TNPO3: variants seen among roughly 807,000 people sequenced by gnomAD.
TNPO3 encodes transportin 3.
Under a neutral mutation model 122.8 loss-of-function variants are expected in TNPO3, and 65 were observed. The observed-to-expected ratio is 0.53, with a 90% CI of 0.43 to 0.65. The LOEUF is 0.65. Ranked by LOEUF, TNPO3 falls within the 30% of genes least tolerant of loss-of-function variation. The pLI is 0.00. For synonymous variants in TNPO3, 372 were observed against 411.2 expected (o/e 0.90, Z 1.15); for missense variants, 850 against 1,136.7 (o/e 0.75, Z 3.63).
At position 128,990,113 on chromosome 7, in the gene TNPO3, GGTAA is replaced by G. The variant is rs771700003; in HGVS notation, c.1359-17_1359-14del. On this transcript the variant is annotated splice_polypyrimidine_tract_variant and intron_variant, in intron 10 of 22. Coordinates refer to ENST00000265388, the MANE Select transcript of TNPO3 (RefSeq NM_012470.4). Reference sequence around the variant, plus strand: ...TGGATTGTTTTCCCTGAGTACAGGCGGTAAGTACTCACAGTTACTGATTTCAGAG... The same window carrying G: ...TGGATTGTTTTCCCTGAGTACAGGCGGTACTCACAGTTACTGATTTCAGAG... 1 of 1,614,020 alleles carries G rather than the reference GGTAA, an allele frequency of 6.2e-7. No homozygotes were observed.
chr7:129,035,954 T>C (rs1232665071), intron 1 of TNPO3, among the ~76,000 whole-genome samples: 5 of 116,706 alleles, frequency 4.3e-5, no homozygotes, highest in East Asian at 2.4e-4. Context: ...TCTTTTCTTT[T>C]TTTTTTTTTT....
intron 1 of TNPO3, among the ~76,000 whole-genome samples, chr7:129,018,929 G>C (rs907414047): frequency 6.6e-6 from 1 of 152,178 alleles, no homozygotes; most frequent in Non-Finnish European, 1.5e-5. Context: ...ATGTTGGCCA[G>C]ACTGATCTTG....
intron 19 of TNPO3, chr7:128,971,036 C>CAACAA (rs376467037): frequency 2.7e-5 from 4 of 146,944 alleles, no homozygotes; most frequent in East Asian, 2.0e-4. Context: ...CCCCAAGTCA[C>CAACAA]AACAAAACAA....
At chr7:128,986,011 A>C (rs1800103494) in intron 12 of TNPO3, among the ~76,000 whole-genome samples, 2 of 152,224 alleles carry the variant, frequency 1.3e-5, no homozygotes, top group African/African-American at 4.8e-5. Context: ...GAATTTCATT[A>C]CCTCACAGGG....
At position 128,997,535 on chromosome 7, in the gene TNPO3, C is replaced by T; in HGVS notation, c.1012G>A (p.Val338Ile). The change falls in exon 8 of 23, where the codon GTA (valine) becomes ATA (isoleucine). Residue 338 changes from valine to isoleucine, a missense_variant and splice_region_variant. Coordinates refer to ENST00000265388, the MANE Select transcript of TNPO3 (RefSeq NM_012470.4). Reference protein sequence around the residue: ...LICAGHPQYEVVEISFNFWYR... With the variant: ...LICAGHPQYEIVEISFNFWYR... ...CAAAAGTTAAATGAAATTTCTACTA[C>T]CTGTTAGGTTAAAAGAGATGATTTA... 6.2e-7 allele frequency: 1 copy of T among 1,612,434 alleles called. No homozygotes were observed. Among genetic ancestry groups the T allele is most frequent in the Non-Finnish European group, 8.5e-7 (1 of 1,178,636 alleles).
chr7:129,042,855 T>G (rs1022806241), intron 1 of TNPO3, among the ~76,000 whole-genome samples: 9 of 93,544 alleles, frequency 9.6e-5, no homozygotes, highest in Non-Finnish European at 4.3e-5. Flanking sequence ...ATAAAACAAC[T>G]CCCATCCTCC....
At chr7:128,980,467 G>A (rs1420741992) in intron 14 of TNPO3, among the ~76,000 whole-genome samples, 1 of 152,208 alleles carries the variant, frequency 6.6e-6, no homozygotes, top group Non-Finnish European at 1.5e-5. Context: ...AATAAGCCGG[G>A]CGTGGTGGCG....
intron 1 of TNPO3, among the ~76,000 whole-genome samples, chr7:129,049,608 G>A (rs913322751): frequency 6.6e-6 from 1 of 152,212 alleles, no homozygotes; most frequent in East Asian, 1.9e-4. Context: ...ATTGAACACA[G>A]CTGTCTGCTT....
At chr7:128,961,433 GT>G (rs1797444808) in intron 21 of TNPO3, among the ~76,000 whole-genome samples, 1 of 152,156 alleles carries the variant, frequency 6.6e-6, no homozygotes, top group Admixed American at 6.5e-5. Flanking sequence ...TAGACCAGGT[GT>G]CCGGTAGGCT....
chr7:129,028,217 T>G (rs1805493870), intron 1 of TNPO3, among the ~76,000 whole-genome samples: 1 of 152,192 alleles, frequency 6.6e-6, no homozygotes, highest in Admixed American at 6.5e-5. Flanking sequence ...TTTCTGTGTT[T>G]ATGTTTAGAA....
At chr7:129,047,460 ATATC>A (rs1431164494) in intron 1 of TNPO3, among the ~76,000 whole-genome samples, 2 of 152,344 alleles carry the variant, frequency 1.3e-5, no homozygotes, top group Non-Finnish European at 2.9e-5. Context: ...GTTATCAGTG[ATATC>A]TATCTATCAC....
intron 1 of TNPO3, among the ~76,000 whole-genome samples, chr7:129,043,775 C>T (rs1015632623): frequency 6.6e-6 from 1 of 152,178 alleles, no homozygotes; most frequent in African/African-American, 2.4e-5. Flanking sequence ...AAGCATTACT[C>T]GATAATCTTT....
rs1308250787 is a variant in TNPO3, at chr7:128,994,065, AG to A, written c.1159-152del. The A allele has an allele frequency of 1.9e-5, 12 of 648,012 alleles. 1 individual carries two copies. The Middle Eastern group carries it at 2.9e-3, about 154-fold the overall frequency. The allele number at this position is 648,012 out of a possible 1,614,324, so 40.1% of individuals were successfully genotyped here. Reference sequence around the variant, plus strand: ...CACGAGGGTATTTTATTTTAGACAGAGGGTTTCCTAAATTGTGAGGTATGCC... The same window carrying A: ...CACGAGGGTATTTTATTTTAGACAGAGGTTTCCTAAATTGTGAGGTATGCC... On this transcript the variant is annotated intron_variant, in intron 8 of 22. Transcript: ENST00000265388.
At position 128,954,992 on chromosome 7, in the gene TNPO3, C is replaced by T. The variant is rs746623761; in HGVS notation, c.*425G>A. 4 of 224,480 alleles carry T rather than the reference C, an allele frequency of 1.8e-5. No homozygotes were observed. Among genetic ancestry groups the T allele is most frequent in the Admixed American group, 1.1e-4 (2 of 18,780 alleles). 13.9% of individuals were successfully genotyped at this position (224,480 alleles called of 1,614,324 possible). A position where few individuals can be genotyped will look rare whatever the true frequency, so the allele number is the denominator to read the frequency against. ...TTGTCCTTTTGTTTTTCTGTGTACA[C>T]GTGCGCACTGGCGCTTGTGCGTGTA... On this transcript the variant is annotated 3_prime_UTR_variant, in exon 23 of 23. Coordinates refer to ENST00000265388, the MANE Select transcript of TNPO3 (RefSeq NM_012470.4).
At chr7:128,960,801 C>A (rs965017099) in intron 21 of TNPO3, among the ~76,000 whole-genome samples, 1 of 151,650 alleles carries the variant, frequency 6.6e-6, no homozygotes. Context: ...ACTCTGTCGC[C>A]CAGGCTGGAG....
Position 129,016,919 on chromosome 7 carries a change from A to C in TNPO3, c.395+64T>G, listed in dbSNP as rs1803917872. 4.9e-6 allele frequency: 7 copies of C among 1,434,598 alleles called. No homozygotes were observed. In the South Asian group the frequency reaches 8.1e-5, roughly 16 times the overall value. The allele number at this position is 1,434,598 out of a possible 1,614,324, so 88.9% of individuals were successfully genotyped here. ...GTCAAATATCTAGCTATTGCTAACA[A>C]ATTTCTCTGTGTAGGTTAATGGCAA... On this transcript the variant is annotated intron_variant, in intron 3 of 22. Coordinates refer to ENST00000265388, the MANE Select transcript of TNPO3 (RefSeq NM_012470.4).
chr7:129,008,592 G>A (rs1322907859), intron 4 of TNPO3, among the ~76,000 whole-genome samples: 1 of 152,118 alleles, frequency 6.6e-6, no homozygotes. Flanking sequence ...ATTTAAATAT[G>A]TAATACGTAA....
intron 1 of TNPO3, among the ~76,000 whole-genome samples, chr7:129,046,327 C>A (rs1012067170): frequency 1.2e-4 from 19 of 152,096 alleles, no homozygotes; most frequent in African/African-American, 3.9e-4. Flanking sequence ...GGAGAAAGAT[C>A]TTTGGTTTTC....
At chr7:129,044,929 A>G (rs1371220731) in intron 1 of TNPO3, among the ~76,000 whole-genome samples, 2 of 152,264 alleles carry the variant, frequency 1.3e-5, no homozygotes, top group Non-Finnish European at 2.9e-5. Flanking sequence ...TAGCAGCATT[A>G]TTCACAAAGG....
Sources: allele counts gnomAD v4.1 joint callset (sites outside exome capture counted in the v4.1 genomes callset), GRCh38; gene constraint gnomAD v4.1.1; transcripts MANE v1.5; gene names NCBI Gene and HGNC (gene_info 2026-07-23, HGNC 2026-07-21).